Variants in KAT5 observed in about 807,000 individuals in gnomAD.
KAT5 encodes the protein lysine acetyltransferase 5, also known as histone acetyltransferase KAT5.
KAT5 carries 31 observed loss-of-function variants against 68.1 expected under a neutral mutation model. That is an observed-to-expected ratio of 0.46 (90% confidence interval 0.34 to 0.61). The LOEUF is 0.61. Ranked by LOEUF, KAT5 falls within the 20% of genes least tolerant of loss-of-function variation. The pLI, the probability that KAT5 is intolerant of heterozygous loss-of-function variation, is 0.01. For synonymous variants in KAT5, 365 were observed against 292.6 expected (o/e 1.25, Z -2.52); for missense variants, 451 against 725.5 (o/e 0.62, Z 4.35).
chr11:65,712,306 G>A lies in KAT5; in HGVS notation c.39G>A (p.Arg13=). 6.1e-6 allele frequency: 9 copies of A among 1,467,148 alleles called. No homozygotes were observed. The highest frequency in any genetic ancestry group is 8.1e-6 in the Non-Finnish European group (9 of 1,113,236). The allele number at this position is 1,467,148 out of a possible 1,614,324, so 90.9% of individuals were successfully genotyped here. Residue 13 remains arginine (R), a synonymous_variant, in exon 1 of 13, where the codon CGG becomes CGA. Transcript: ENST00000341318. ...TGAGTCCGGTGCCCGGGGCGGGGCGGAGGGAGCCAGGGGAGGTGGGTAGAG... is the reference window on the plus strand; with the variant it reads ...TGAGTCCGGTGCCCGGGGCGGGGCGAAGGGAGCCAGGGGAGGTGGGTAGAG... ...EVVSPVPGAG[R]REPGEVGRAR... is the part of the protein sequence containing the mutation.
chr11:65,713,311 C>T, intron 3 of KAT5, 37 bp from the exon 4 acceptor site: 1 of 1,603,014 alleles, frequency 6.2e-7, no homozygotes, highest in South Asian at 1.1e-5. Flanking sequence ...CACTGCCATC[C>T]CCGCCCCAAA....
rs752928868 is a variant in KAT5 at position 65,716,660 on chromosome 11, C to T, written c.1030-7C>T. On this transcript the variant is annotated splice_polypyrimidine_tract_variant and splice_region_variant and intron_variant, in intron 8 of 12. Transcript: ENST00000341318. ...CCCAGAGTGGTGACAAGCCTTTTCTCTTGCAGAGTTATTCCCAGAACCTGT... is the reference window on the plus strand; with the variant it reads ...CCCAGAGTGGTGACAAGCCTTTTCTTTTGCAGAGTTATTCCCAGAACCTGT... 6.2e-7 allele frequency: 1 copy of T among 1,613,296 alleles called. No homozygotes were observed. Among genetic ancestry groups the T allele is most frequent in the South Asian group, 1.1e-5 (1 of 91,062 alleles).
rs1469592061 is a variant in KAT5, at chr11:65,719,562, C to CTT, written c.*382_*383dup. On this transcript the variant is annotated 3_prime_UTR_variant, in exon 13 of 13. Coordinates refer to ENST00000341318, the MANE Select transcript of KAT5 (RefSeq NM_182710.3). ...CTGGCTGCAAAAATTTCTGGCTTCT[C>CTT]TTACCCCTATTGCCCCCGGCAATAA... is the stretch of plus-strand genomic sequence containing the variant. The CTT allele has an allele frequency of 1.1e-5, 7 of 637,736 alleles. No individual in the cohort carries two copies. In the Admixed American group the frequency reaches 1.6e-4, roughly 15 times the overall value. The allele number at this position is 637,736 out of a possible 1,614,324, so 39.5% of individuals were successfully genotyped here.
chr11:65,716,328 A>G (rs966003578), intron 8 of KAT5: 2 of 274,922 alleles, frequency 7.3e-6, no homozygotes, highest in African/African-American at 2.2e-5. Flanking sequence ...CTTTGGACAC[A>G]TTAGTTCGTT....
chr11:65,713,222 C>T (rs1857083527), intron 3 of KAT5, 126 bp from the exon 4 acceptor site: 16 of 1,305,056 alleles, frequency 1.2e-5, no homozygotes, highest in Non-Finnish European at 1.7e-5. Context: ...AGTCCAGTAG[C>T]TAGTCCTGTG....
intron 11 of KAT5, 27 bp downstream of exon 11, chr11:65,718,776 G>A (rs112903919): frequency 2.5e-6 from 4 of 1,613,982 alleles, no homozygotes; most frequent in Non-Finnish European, 2.5e-6. Flanking sequence ...CTACCTGGGG[G>A]TACATGGCAT....
At position 65,712,366 on chromosome 11, in the gene KAT5, G is replaced by C; in HGVS notation, c.99G>C (p.Ala33=). The C allele has an allele frequency of 6.5e-7, 1 of 1,543,782 alleles. No individual in the cohort carries two copies. Among genetic ancestry groups the C allele is most frequent in the Non-Finnish European group, 8.7e-7 (1 of 1,155,480 alleles). ...RGPPVADPGV[A]LSPQGEIIEG... ...CCCCAGTAGCCGACCCTGGCGTCGCGCTGTCTCCCCAGGGGGAGATAATCG... is the reference window on the plus strand; with the variant it reads ...CCCCAGTAGCCGACCCTGGCGTCGCCCTGTCTCCCCAGGGGGAGATAATCG... The change falls in exon 1 of 13, where the codon GCG becomes GCC. Residue 33 remains alanine (A), a synonymous_variant. Transcript: ENST00000341318.
rs1857307119 is a variant in KAT5, at chr11:65,719,084, A to G, written c.1544A>G (p.Asp515Gly). ...YILTLSEDIV[D>G]GHERAMLKRL... ...CTCACACTGTCAGAGGACATCGTGG[A>G]TGGCCATGAGCGGGCCATGCTCAAG... The change falls in exon 13 of 13, where the codon GAT (aspartate) becomes GGT (glycine). Residue 515 changes from aspartate (D) to glycine (G), a missense_variant. By Grantham distance (94) the Asp-to-Gly change is moderately conservative. Around this residue, in one of 4 missense-constraint regions of KAT5, gnomAD observed 210 missense variants for 423.7 expected, o/e 0.50. Transcript: ENST00000341318. The G allele has an allele frequency of 1.2e-6, 2 of 1,614,056 alleles. No homozygotes were observed. Among genetic ancestry groups the G allele is most frequent in the Non-Finnish European group, 1.7e-6 (2 of 1,180,030 alleles).
Position 65,719,483 on chromosome 11 carries a change from C to CTGGTGATTGTAAAAATTTCTTT in KAT5, c.*305_*326dup. 3 of 608,674 alleles carry CTGGTGATTGTAAAAATTTCTTT rather than the reference C, an allele frequency of 4.9e-6. No homozygotes were observed. The highest frequency in any genetic ancestry group is 8.7e-6 in the Non-Finnish European group (3 of 345,372). The allele number at this position is 608,674 out of a possible 1,614,324, so 37.7% of individuals were successfully genotyped here. On this transcript the variant is annotated 3_prime_UTR_variant, in exon 13 of 13. Coordinates refer to ENST00000341318, the MANE Select transcript of KAT5 (RefSeq NM_182710.3). ...GGATGGGGGAGCTCTGTACAGAGGGCTGGTGATTGTAAAAATTTCTTTTGT... is the reference window on the plus strand; with the variant it reads ...GGATGGGGGAGCTCTGTACAGAGGGCTGGTGATTGTAAAAATTTCTTTTGGTGATTGTAAAAATTTCTTTTGT...
chr11:65,718,265 A>G (rs1857272697), intron 10 of KAT5: 2 of 247,938 alleles, frequency 8.1e-6, no homozygotes, highest in East Asian at 8.3e-5. Context: ...ATGGCAAAGG[A>G]AAATTGGAGG....
upstream of KAT5, chr11:65,712,146 G>A: frequency 1.0e-6 from 1 of 983,790 alleles, no homozygotes; most frequent in Non-Finnish European, 1.4e-6. Flanking sequence ...TCGCAGCTGG[G>A]TCGCGGTGTC....
chr11:65,714,347 C>T (rs567403366), intron 6 of KAT5, 148 bp from the exon 7 acceptor site: 2 of 864,316 alleles, frequency 2.3e-6, no homozygotes, highest in African/African-American at 1.7e-5. Context: ...TTTAGGGTTT[C>T]AGGTTTTTTA....
Position 65,713,029 on chromosome 11 carries a change from T to A in KAT5, c.355T>A (p.Ser119Thr). ...KTPTKNGLPG[S>T]RPGSPEREVP... is the part of the protein sequence containing the mutation. Reference sequence around the variant, plus strand: ...CCCCACTAAGAACGGACTTCCTGGGTCCCGTCCTGGCTCTCCAGAGAGAGA... The same window carrying A: ...CCCCACTAAGAACGGACTTCCTGGGACCCGTCCTGGCTCTCCAGAGAGAGA... Residue 119 changes from serine to threonine, a missense_variant, in exon 3 of 13, where the codon TCC becomes ACC. Ser to Thr is a moderately conservative substitution (Grantham distance 58, BLOSUM62 1). Transcript: ENST00000341318. 6.2e-7 allele frequency: 1 copy of A among 1,613,392 alleles called. No homozygotes were observed. The highest frequency in any genetic ancestry group is 8.5e-7 in the Non-Finnish European group (1 of 1,180,000).
chr11:65,715,074 T>C, intron 8 of KAT5, 164 bp downstream of exon 8: 2 of 653,938 alleles, frequency 3.1e-6, no homozygotes, highest in Admixed American at 2.2e-5. Flanking sequence ...CAGTCTCTGT[T>C]CTCTGACAGC....
At position 65,718,925 on chromosome 11, in the gene KAT5, C is replaced by T; in HGVS notation, c.1477C>T (p.Gln493Ter). 6.2e-7 allele frequency: 1 copy of T among 1,614,156 alleles called. No homozygotes were observed. Among genetic ancestry groups the T allele is most frequent in the Non-Finnish European group, 8.5e-7 (1 of 1,180,022 alleles). Residue 493 changes from glutamine (Q) to a stop codon, truncating the protein, a stop_gained, in exon 12 of 13, where the codon CAG becomes TAG. Transcript: ENST00000341318. LOFTEE classifies it high-confidence loss of function. ...GAAGGAGGATGTCATCTCCACTCTG[C>T]AGTACCTCAATCTCATCAACTACTA... ...IKKEDVISTL[Q>*]YLNLINYYKG... is the part of the protein sequence containing the mutation.
At position 65,719,411 on chromosome 11, in the gene KAT5, C is replaced by T; in HGVS notation, c.*230C>T. The stretch of plus-strand genomic sequence containing the variant: ...CCACAGGCCCAGGCCTCCTCTGAAG[C>T]AGGGACCAGAGGGAGCCAGGCAGCT... On this transcript the variant is annotated 3_prime_UTR_variant, in exon 13 of 13. Coordinates refer to ENST00000341318, the MANE Select transcript of KAT5 (RefSeq NM_182710.3). The T allele has an allele frequency of 4.9e-6, 3 of 616,362 alleles. No homozygotes were observed. The highest frequency in any genetic ancestry group is 8.5e-6 in the Non-Finnish European group (3 of 352,340). 38.2% of individuals were successfully genotyped at this position (616,362 alleles called of 1,614,324 possible). A position where few individuals can be genotyped will look rare whatever the true frequency, so the allele number is the denominator to read the frequency against.
At chr11:65,718,509 G>GC (rs1179118665) in intron 10 of KAT5, 81 bp from the exon 11 acceptor site, 1 of 1,478,316 alleles carries the variant, frequency 6.8e-7, no homozygotes, top group African/African-American at 1.4e-5. Context: ...TAGGCAGCCT[G>GC]CCTTGGCAAC....
chr11:65,718,537 G>C, intron 10 of KAT5, 53 bp from the exon 11 acceptor site: 1 of 1,573,118 alleles, frequency 6.4e-7, no homozygotes, highest in Non-Finnish European at 8.7e-7. Flanking sequence ...TTTAAATGTT[G>C]CTTATGTTCA....
At position 65,712,303 on chromosome 11, in the gene KAT5, G is replaced by A. The variant is rs1381935788; in HGVS notation, c.36G>A (p.Gly12=). Reference sequence around the variant, plus strand: ...TGGTGAGTCCGGTGCCCGGGGCGGGGCGGAGGGAGCCAGGGGAGGTGGGTA... The same window carrying A: ...TGGTGAGTCCGGTGCCCGGGGCGGGACGGAGGGAGCCAGGGGAGGTGGGTA... ...AEVVSPVPGA[G]RREPGEVGRA... is the part of the protein sequence containing the mutation. The change falls in exon 1 of 13, where the codon GGG becomes GGA. Residue 12 remains glycine (G), a synonymous_variant. Transcript: ENST00000341318. The A allele has an allele frequency of 2.1e-6, 3 of 1,462,754 alleles. No homozygotes were observed. The highest frequency in any genetic ancestry group is 2.7e-6 in the Non-Finnish European group (3 of 1,110,680). 90.6% of individuals were successfully genotyped at this position (1,462,754 alleles called of 1,614,324 possible).
Sources: allele counts gnomAD v4.1 joint callset, GRCh38; gene constraint gnomAD v4.1.1; regional missense constraint gnomAD v4.1.1; transcripts MANE v1.5; gene names NCBI Gene and HGNC (gene_info 2026-07-23, HGNC 2026-07-21).